The following OTUD5 variants were observed in gnomAD, a reference collection of about 807,000 sequenced individuals.
The protein encoded by OTUD5 is OTU deubiquitinase 5, also known as OTU domain-containing protein 5.
OTUD5 carries 2 observed loss-of-function variants against 36.3 expected under a neutral mutation model. The observed-to-expected ratio is 0.06, with a 90% CI of 0.02 to 0.17. The LOEUF (loss-of-function observed/expected upper bound fraction) is 0.17, where lower values mean the gene tolerates loss of function less well. Ranked by LOEUF, OTUD5 falls within the 10% of genes least tolerant of loss-of-function variation. The pLI, the probability that OTUD5 is intolerant of heterozygous loss-of-function variation, is 1.00. For missense variants in OTUD5, 233 were observed against 512.3 expected (o/e 0.45, Z 5.26); for synonymous variants, 234 against 214.9 (o/e 1.09, Z -0.78).
chrX:48,955,721 G>A (rs2064225905), intron 1 of OTUD5, among the ~76,000 whole-genome samples: 1 of 111,352 alleles, frequency 9.0e-6, no homozygotes, highest in African/African-American at 3.3e-5. Context: ...TTAGGCCCAA[G>A]GTGGGAGGGC....
chrX:48,936,391 T>C (rs998670861), intron 2 of OTUD5: 8 of 111,520 alleles, frequency 7.2e-5, no homozygotes, highest in African/African-American at 2.6e-4. Context: ...TTTATTTATT[T>C]ATTTATTTGA....
intron 5 of OTUD5, among the ~76,000 whole-genome samples, chrX:48,929,325 T>C: frequency 9.3e-6 from 1 of 107,300 alleles, no homozygotes; most frequent in East Asian, 3.0e-4. Context: ...GAGGCTGAGG[T>C]TGCAGTGAGC....
In OTUD5 at chrX:48,955,036, G is replaced by A. The variant is rs373830835; in HGVS notation, c.594+1941C>T. On this transcript the variant is annotated intron_variant, in intron 1 of 8. Coordinates refer to ENST00000376488, the MANE Select transcript of OTUD5 (RefSeq NM_001136157.2). ...GAAAGGATTGCCTGGTGTGGTAGGA[G>A]GAGAGCCTCATGCCCAAGTGGGAGC... Among the ~76,000 whole-genome samples, 7 of 112,033 alleles carry A rather than the reference G, an allele frequency of 6.2e-5. No individual in the cohort carries two copies. The East Asian group carries it at 1.4e-3, about 23-fold the overall frequency.
At chrX:48,957,743 C>CGGCGGCGGT (rs1261092673), upstream of OTUD5, 84 of 773,711 alleles carry the variant, frequency 1.1e-4, no homozygotes, top group Middle Eastern at 1.3e-3. Context: ...GCGGCGGCGG[C>CGGCGGCGGT]GGCGGCGGTG....
In OTUD5 at chrX:48,954,678, AG is replaced by A. The variant is rs1286331853; in HGVS notation, c.594+2298del. 1.1e-4 allele frequency among the ~76,000 whole-genome samples: 12 copies of A among 111,895 alleles called. No homozygotes were observed. In the Admixed American group the frequency reaches 1.1e-3, roughly 11 times the overall value. ...CCAAGGGGAAAAGGAATGTGGGAGG[AG>A]AATTTCCCCAGAGTGGCGATGTCCC... On this transcript the variant is annotated intron_variant, in intron 1 of 8. Coordinates refer to ENST00000376488, the MANE Select transcript of OTUD5 (RefSeq NM_001136157.2).
intron 2 of OTUD5, 50 bp downstream of exon 2, chrX:48,944,140 C>A: frequency 1.1e-6 from 1 of 920,569 alleles, no homozygotes. Context: ...ATAACTGGGA[C>A]ACAGCTTAGG....
intron 1 of OTUD5, among the ~76,000 whole-genome samples, chrX:48,955,379 C>T (rs2064219172): frequency 9.0e-6 from 1 of 111,341 alleles, no homozygotes; most frequent in African/African-American, 3.3e-5. Context: ...CCACAGGGAT[C>T]CTTTATCCAT....
At chrX:48,953,494 G>A (rs1386719771) in intron 1 of OTUD5, among the ~76,000 whole-genome samples, 3 of 111,336 alleles carry the variant, frequency 2.7e-5, no homozygotes, top group Non-Finnish European at 5.7e-5. Flanking sequence ...ATTTTGCCTG[G>A]CCAGTGAGGA....
intron 2 of OTUD5, among the ~76,000 whole-genome samples, chrX:48,936,940 T>G (rs1301849643): frequency 9.0e-6 from 1 of 111,595 alleles, no homozygotes; most frequent in East Asian, 2.8e-4. Context: ...TCAGTCTACC[T>G]CTCTGAAGAA....
At position 48,957,404 on chromosome X, in the gene OTUD5, A is replaced by T; in HGVS notation, c.167T>A (p.Val56Asp). 9.2e-7 allele frequency: 1 copy of T among 1,082,216 alleles called. No individual in the cohort carries two copies. The highest frequency in any genetic ancestry group is 2.0e-5 in the African/African-American group (1 of 50,284). 89.2% of individuals were successfully genotyped at this position (1,082,216 alleles called of 1,213,427 possible). A position where few individuals can be genotyped will look rare whatever the true frequency, so the allele number is the denominator to read the frequency against. ...GGGDRDRDSG[V>D]VGARPRASPP... ...CGAAGCTCGCGGACGGGCCCCCACG[A>T]CGCCGGAGTCACGGTCGCGATCGCC... The change falls in exon 1 of 9, where the codon GTC becomes GAC. Residue 56 changes from valine (V) to aspartate (D), a missense_variant. Coordinates refer to ENST00000376488, the MANE Select transcript of OTUD5 (RefSeq NM_001136157.2).
intron 5 of OTUD5, among the ~76,000 whole-genome samples, chrX:48,933,526 C>T (rs2063788334): frequency 9.1e-6 from 1 of 109,337 alleles, no homozygotes; most frequent in African/African-American, 3.3e-5. Flanking sequence ...AGTGATTCTC[C>T]TGCCTCAGCC....
At chrX:48,936,373 A>G in intron 2 of OTUD5, 1 of 110,809 alleles carries the variant, frequency 9.0e-6, no homozygotes, top group Non-Finnish European at 1.9e-5. Flanking sequence ...TCAAACACCA[A>G]TGTGTTCTTT....
intron 2 of OTUD5, among the ~76,000 whole-genome samples, chrX:48,943,600 GA>G (rs1249190624): frequency 1.2e-4 from 13 of 110,740 alleles, no homozygotes; most frequent in Non-Finnish European, 2.1e-4. Context: ...TATATAAGTT[GA>G]AAAAAAATTC....
chrX:48,936,263 C>T (rs928067319), intron 2 of OTUD5: 2 of 111,748 alleles, frequency 1.8e-5, no homozygotes, highest in South Asian at 3.7e-4. Flanking sequence ...CAAACTAAGG[C>T]GAGAAGGAAA....
intron 6 of OTUD5, among the ~76,000 whole-genome samples, 162 bp from the exon 7 acceptor site, chrX:48,924,214 C>A (rs1332523732): frequency 1.8e-5 from 2 of 111,878 alleles, no homozygotes; most frequent in Admixed American, 1.9e-4. Flanking sequence ...AGACTCCTCA[C>A]AGGACAGAGG....
intron 2 of OTUD5, among the ~76,000 whole-genome samples, chrX:48,943,006 G>A (rs977104416): frequency 2.7e-5 from 3 of 110,911 alleles, no homozygotes; most frequent in African/African-American, 6.6e-5. Context: ...ACCCACAGAC[G>A]GAGAGAATAG....
At chrX:48,932,963 G>C (rs782259611) in intron 5 of OTUD5, among the ~76,000 whole-genome samples, 1 of 110,052 alleles carries the variant, frequency 9.1e-6, no homozygotes, top group Non-Finnish European at 1.9e-5. Flanking sequence ...TCCAGCCTGG[G>C]TGAGAGAGTG....
At chrX:48,943,158 T>C (rs1413831522) in intron 2 of OTUD5, among the ~76,000 whole-genome samples, 1 of 111,610 alleles carries the variant, frequency 9.0e-6, no homozygotes, top group Non-Finnish European at 1.9e-5. Context: ...AAAGCTCCTA[T>C]CAGAGGGCAC....
chrX:48,922,415 C>CA lies in OTUD5; in HGVS notation c.*758dup. 2 of 408,040 alleles carry CA rather than the reference C, an allele frequency of 4.9e-6. No homozygotes were observed. Among genetic ancestry groups the CA allele is most frequent in the South Asian group, 1.3e-4 (1 of 7,969 alleles). The allele number at this position is 408,040 out of a possible 1,213,427, so 33.6% of individuals were successfully genotyped here. On this transcript the variant is annotated 3_prime_UTR_variant, in exon 9 of 9. Coordinates refer to ENST00000376488, the MANE Select transcript of OTUD5 (RefSeq NM_001136157.2). ...GGTGGTGGAAGCAAAAGGAATGCAGCAAGGTCAGGGTTTCATTGTCCAAGC... is the reference window on the plus strand; with the variant it reads ...GGTGGTGGAAGCAAAAGGAATGCAGCAAAGGTCAGGGTTTCATTGTCCAAGC...
Sources: allele counts gnomAD v4.1 joint callset (sites outside exome capture counted in the v4.1 genomes callset), GRCh38; gene constraint gnomAD v4.1.1; transcripts MANE v1.5; gene names NCBI Gene and HGNC (gene_info 2026-07-23, HGNC 2026-07-21).